The following CPLANE1 variants were observed in gnomAD, a reference collection of about 807,000 sequenced individuals.
CPLANE1 encodes ciliogenesis and planar polarity effector complex subunit 1.
In CPLANE1, 263 loss-of-function variants were observed where a neutral mutation model predicts 362.5. That is an observed-to-expected ratio of 0.73 (90% confidence interval 0.66 to 0.80). CPLANE1 has a LOEUF of 0.80. Ranked by LOEUF, CPLANE1 falls within the 30% of genes least tolerant of loss-of-function variation. The pLI, the probability that CPLANE1 is intolerant of heterozygous loss-of-function variation, is 0.00. For synonymous variants in CPLANE1, 1,212 were observed against 1,302.6 expected (o/e 0.93, Z 1.50); for missense variants, 3,461 against 3,793.4 (o/e 0.91, Z 2.30).
At chr5:37,200,497 A>G (rs1788834082) in intron 19 of CPLANE1, among the ~76,000 whole-genome samples, 1 of 152,222 alleles carries the variant, frequency 6.6e-6, no homozygotes, top group African/African-American at 2.4e-5. Context: ...TCAACAAGTA[A>G]AATGTTTTAG....
chr5:37,134,034 C>T (rs745597060), intron 46 of CPLANE1, among the ~76,000 whole-genome samples: 5 of 152,070 alleles, frequency 3.3e-5, no homozygotes, highest in African/African-American at 7.2e-5. Context: ...GTGCTGTTTT[C>T]GGTTTGCTAT....
intron 7 of CPLANE1, 121 bp downstream of exon 7, chr5:37,239,580 CAAAAAAAAAAAA>C (rs10591482): frequency 3.5e-6 from 1 of 287,384 alleles, no homozygotes; most frequent in African/African-American, 3.7e-5. Flanking sequence ...GAGACCCTGT[CAAAAAAAAAAAA>C]AAAAAAAACC....
intron 46 of CPLANE1, among the ~76,000 whole-genome samples, chr5:37,133,410 G>A (rs1217576952): frequency 6.6e-6 from 1 of 151,998 alleles, no homozygotes; most frequent in Non-Finnish European, 1.5e-5. Context: ...AGCATGGGAT[G>A]TTTTCTATGT....
At chr5:37,190,967 G>A (rs559410206) in intron 21 of CPLANE1, among the ~76,000 whole-genome samples, 14 of 152,144 alleles carry the variant, frequency 9.2e-5, no homozygotes, top group East Asian at 3.9e-4. Context: ...TTATTTTAGC[G>A]TATACTCTTA....
At chr5:37,178,448 T>G (rs1407278169) in intron 29 of CPLANE1, among the ~76,000 whole-genome samples, 1 of 151,594 alleles carries the variant, frequency 6.6e-6, no homozygotes, top group African/African-American at 2.4e-5. Flanking sequence ...AAAATGTTTT[T>G]TTTTTTTTAA....
the CPLANE1 span, chr5:37,085,626 TG>T: frequency 1.0e-6 from 1 of 975,524 alleles, no homozygotes; most frequent in Non-Finnish European, 1.7e-6. Flanking sequence ...GGTGCTAACC[TG>T]GGAATAACTG....
At chr5:37,153,492 G>C (rs1774157554) in intron 42 of CPLANE1, among the ~76,000 whole-genome samples, 1 of 152,080 alleles carries the variant, frequency 6.6e-6, no homozygotes, top group Non-Finnish European at 1.5e-5. Flanking sequence ...TTACAACTAG[G>C]GAGCAGTGCC....
chr5:37,128,109 C>T (rs1371918284), intron 46 of CPLANE1, among the ~76,000 whole-genome samples: 1 of 152,232 alleles, frequency 6.6e-6, no homozygotes, highest in East Asian at 1.9e-4. Context: ...TAACAGAATA[C>T]AGGATTTAAA....
intron 44 of CPLANE1, chr5:37,140,454 A>C: frequency 2.0e-6 from 2 of 985,134 alleles, no homozygotes; most frequent in Non-Finnish European, 2.4e-6. Context: ...CTAAGAGAGA[A>C]ATATTTCACA....
chr5:37,092,689 T>C, the CPLANE1 span, among the ~76,000 whole-genome samples: 1 of 152,160 alleles, frequency 6.6e-6, no homozygotes, highest in South Asian at 2.1e-4. Context: ...CCAAGTAAAT[T>C]CCATGCCACC....
intron 24 of CPLANE1, 119 bp from the exon 25 acceptor site, chr5:37,185,198 T>G (rs961321717): frequency 1.1e-5 from 9 of 787,084 alleles, no homozygotes; most frequent in Non-Finnish European, 1.8e-5. Flanking sequence ...TAAGGCTTAT[T>G]TCCACATTCT....
chr5:37,190,876 A>T (rs1412698142), intron 21 of CPLANE1, among the ~76,000 whole-genome samples: 1 of 152,210 alleles, frequency 6.6e-6, no homozygotes, highest in Non-Finnish European at 1.5e-5. Context: ...TAGCCCATAC[A>T]ATTATATACA....
At chr5:37,211,757 T>G in intron 16 of CPLANE1, 1 of 786,154 alleles carries the variant, frequency 1.3e-6, no homozygotes, top group Non-Finnish European at 2.4e-6. Context: ...AAGCGGGTCT[T>G]TACTGGAGAC....
At chr5:37,157,993 A>G (rs965804314) in intron 39 of CPLANE1, 125 bp from the exon 40 acceptor site, 34 of 810,428 alleles carry the variant, frequency 4.2e-5, no homozygotes, top group Admixed American at 6.5e-5. Flanking sequence ...AAACAAGGAA[A>G]GAAGGGCCTG....
chr5:37,128,285 AC>A (rs1446819629), intron 46 of CPLANE1, among the ~76,000 whole-genome samples: 2 of 152,062 alleles, frequency 1.3e-5, no homozygotes, highest in Admixed American at 1.3e-4. Flanking sequence ...TGTCACTCTT[AC>A]CACCTGATAG....
chr5:37,153,482 T>C (rs1398564910), intron 42 of CPLANE1, among the ~76,000 whole-genome samples: 1 of 152,152 alleles, frequency 6.6e-6, no homozygotes, highest in South Asian at 2.1e-4. Flanking sequence ...TTTTTGACTG[T>C]TACAACTAGG....
rs954222604 is a variant in CPLANE1 at position 37,221,982 on chromosome 5, A to C, written c.2582-494T>G. ...AACAAAAGGGAACATGCCACAAAAA[A>C]CTCCAAGGAACCATATGTATATCAA... On this transcript the variant is annotated intron_variant, in intron 14 of 52. Transcript: ENST00000651892. Among the ~76,000 whole-genome samples the C allele has an allele frequency of 3.4e-4, 51 of 151,876 alleles. 1 individual carries two copies. The highest frequency in any genetic ancestry group is 3.1e-3 in the Admixed American group (48 of 15,244).
At chr5:37,210,844 T>G in intron 16 of CPLANE1, 1 of 859,496 alleles carries the variant, frequency 1.2e-6, no homozygotes, top group East Asian at 2.4e-5. Context: ...AAGGCTACAG[T>G]GGTTGAGCAT....
the CPLANE1 span, among the ~76,000 whole-genome samples, chr5:37,077,813 A>T: frequency 6.6e-6 from 1 of 151,902 alleles, no homozygotes; most frequent in Non-Finnish European, 1.5e-5. Flanking sequence ...ACAGGGTCTC[A>T]CTATATTGCC....
Sources: gnomAD v4.1 joint callset for allele counts (sites outside exome capture counted in the v4.1 genomes callset) on GRCh38, gnomAD v4.1.1 for gene constraint, MANE v1.5 for transcripts, NCBI Gene and HGNC (gene_info 2026-07-23, HGNC 2026-07-21) for gene names.